TBXAS1: variants seen among roughly 807,000 people sequenced by gnomAD.
TBXAS1 encodes the protein thromboxane-A synthase.
In TBXAS1, 48 loss-of-function variants were observed where a neutral mutation model predicts 60.7. The observed-to-expected ratio is 0.79, with a 90% CI of 0.63 to 1.01. The LOEUF is 1.01. Ranked by LOEUF, TBXAS1 falls within the 50% of genes least tolerant of loss-of-function variation. TBXAS1 has a pLI of 0.00. For missense variants in TBXAS1, 685 were observed against 686.3 expected, an observed-to-expected ratio of 1.00 and a Z score of 0.02; for synonymous variants, 287 against 269.7, an observed-to-expected ratio of 1.06 and a Z score of -0.63.
rs1554466810 is a variant in TBXAS1 at position 139,809,233 on chromosome 7, T to TAGATA, written c.-79-20079_-79-20078insAGATA. Among the ~76,000 whole-genome samples, 567 of 131,036 alleles carry TAGATA rather than the reference T, an allele frequency of 4.3e-3. 3 individuals carry two copies. The highest frequency in any genetic ancestry group is 5.2e-3 in the African/African-American group (176 of 33,872). 86.0% of individuals were successfully genotyped at this position (131,036 alleles called of 152,430 possible). On this transcript the variant is annotated intron_variant, in intron 4 of 16. Coordinates refer to the TBXAS1 transcript ENST00000336425. The stretch of plus-strand genomic sequence containing the variant: ...ATAGATAGATAGATAGATAGATAGA[T>TAGATA]GATAGATAGATAGATAGATAGATAG...
rs764506400 is a variant in TBXAS1 at position 139,916,761 on chromosome 7, G to T, written c.333+5440G>T. On this transcript the variant is annotated intron_variant, in intron 4 of 12. Transcript: ENST00000448866. The surrounding 1 kb of genome is among the most constrained non-coding windows in gnomAD (Gnocchi z 4.2). ...GAAGAAAAGAGTATGTTGGCTCATTGCAGAGCTAATTGGCAAGGAAAGCTC... is the reference window on the plus strand; with the variant it reads ...GAAGAAAAGAGTATGTTGGCTCATTTCAGAGCTAATTGGCAAGGAAAGCTC... 3.9e-5 allele frequency among the ~76,000 whole-genome samples: 6 copies of T among 152,218 alleles called. No homozygotes were observed. The highest frequency in any genetic ancestry group is 8.8e-5 in the Non-Finnish European group (6 of 68,038).
At chr7:139,844,946 G>A (rs1174800394) in intron 1 of TBXAS1, among the ~76,000 whole-genome samples, 1 of 152,010 alleles carries the variant, frequency 6.6e-6, no homozygotes, top group East Asian at 1.9e-4. Flanking sequence ...GAGAGGGCTG[G>A]GACACCTGCC....
chr7:139,803,600 A>G (rs1585528561), intron 4 of TBXAS1, among the ~76,000 whole-genome samples: 1 of 152,186 alleles, frequency 6.6e-6, no homozygotes, highest in Non-Finnish European at 1.5e-5. Flanking sequence ...CCTTTGCAGC[A>G]GCCCCTCCCC....
intron 3 of TBXAS1, among the ~76,000 whole-genome samples, chr7:139,891,581 C>T (rs565091938): frequency 6.6e-6 from 1 of 152,282 alleles, no homozygotes; most frequent in East Asian, 1.9e-4. Context: ...TGCCTTAGGA[C>T]GTTTGCCATA....
upstream of TBXAS1, among the ~76,000 whole-genome samples, chr7:139,826,952 C>T (rs921233996): frequency 1.3e-5 from 2 of 152,180 alleles, no homozygotes; most frequent in Admixed American, 1.3e-4. Flanking sequence ...ACCTGATATA[C>T]CTGTAGCTCA....
At chr7:139,855,025 GTT>G (rs1242109253) in intron 1 of TBXAS1, among the ~76,000 whole-genome samples, 1 of 152,134 alleles carries the variant, frequency 6.6e-6, no homozygotes, top group Admixed American at 6.5e-5. Context: ...CAAAAATCAT[GTT>G]GAAATTTAAT....
In TBXAS1 at chr7:140,020,204, G is replaced by C. The variant is rs1286902495; in HGVS notation, c.*105G>C. The stretch of plus-strand genomic sequence containing the variant: ...AAATGTCACTGAAGTGATTGAAAGA[G>C]TGCCTGGCATGCAAGGATAAGAGGT... On this transcript the variant is annotated 3_prime_UTR_variant, in exon 13 of 13. Coordinates refer to ENST00000448866, the MANE Select transcript of TBXAS1 (RefSeq NM_001061.7). 4 of 1,083,592 alleles carry C rather than the reference G, an allele frequency of 3.7e-6. No homozygotes were observed. Among genetic ancestry groups the C allele is most frequent in the Admixed American group, 3.6e-5 (2 of 55,692 alleles). The allele number at this position is 1,083,592 out of a possible 1,614,324, so 67.1% of individuals were successfully genotyped here. A position where few individuals can be genotyped will look rare whatever the true frequency, so the allele number is the denominator to read the frequency against.
intron 1 of TBXAS1, among the ~76,000 whole-genome samples, chr7:139,844,238 C>A (rs1263796115): frequency 2.0e-5 from 3 of 152,276 alleles, no homozygotes; most frequent in Middle Eastern, 3.4e-3. Flanking sequence ...CAACCCCCAG[C>A]AGAGGCATTG....
intron 10 of TBXAS1, among the ~76,000 whole-genome samples, chr7:140,009,491 G>A (rs753386098): frequency 3.3e-5 from 5 of 152,040 alleles, no homozygotes; most frequent in African/African-American, 1.2e-4. Flanking sequence ...GAGGAGCGCC[G>A]GCACTGGTCG....
In TBXAS1 at chr7:139,859,970, C is replaced by T. The variant is rs150387557; in HGVS notation, c.90-12265C>T. ...CCTGGCCAACATGGTAAAACCCTAC[C>T]TCTACTAAAAATACAAAAATTAGCT... is the stretch of plus-strand genomic sequence containing the variant. On this transcript the variant is annotated intron_variant, in intron 1 of 12. Coordinates refer to ENST00000448866, the MANE Select transcript of TBXAS1 (RefSeq NM_001061.7). Among the ~76,000 whole-genome samples the T allele has an allele frequency of 3.2e-4, 48 of 152,214 alleles. 1 individual carries two copies. In the East Asian group the frequency reaches 8.1e-3, roughly 26 times the overall value.
chr7:139,978,287 A>T (rs1811700819), intron 9 of TBXAS1, among the ~76,000 whole-genome samples: 1 of 151,586 alleles, frequency 6.6e-6, no homozygotes, highest in Non-Finnish European at 1.5e-5. Context: ...GTTCAGGTGG[A>T]TCATTTGGGC....
chr7:139,953,799 C>T (rs958492971), intron 6 of TBXAS1, among the ~76,000 whole-genome samples: 10 of 152,182 alleles, frequency 6.6e-5, no homozygotes, highest in Non-Finnish European at 1.2e-4. Context: ...TGCACCTCAG[C>T]CCAGAAGCTA....
At chr7:139,875,216 T>C (rs1207718693) in intron 2 of TBXAS1, among the ~76,000 whole-genome samples, 1 of 152,266 alleles carries the variant, frequency 6.6e-6, no homozygotes, top group Admixed American at 6.5e-5. Flanking sequence ...GAATTTGTGA[T>C]AATTTTGATA....
intron 5 of TBXAS1, among the ~76,000 whole-genome samples, chr7:139,945,237 T>C (rs1469821854): frequency 3.3e-5 from 5 of 152,270 alleles, no homozygotes; most frequent in Non-Finnish European, 7.3e-5. Context: ...TTCAAGCAAC[T>C]GTCTCAACCT....
intron 4 of TBXAS1, among the ~76,000 whole-genome samples, chr7:139,923,633 A>G (rs1277564358): frequency 6.6e-6 from 1 of 152,046 alleles, no homozygotes; most frequent in Admixed American, 6.6e-5. Context: ...CAATCCAATT[A>G]TAATCATTTA....
chr7:139,961,895 C>A, intron 8 of TBXAS1, 24 bp from the exon 9 acceptor site: 1 of 1,613,954 alleles, frequency 6.2e-7, no homozygotes, highest in South Asian at 1.1e-5. Flanking sequence ...TCAAAATGTG[C>A]ATTTTTCTCC....
intron 3 of TBXAS1, among the ~76,000 whole-genome samples, chr7:139,898,412 G>GTTT (rs1804276616): frequency 8.7e-6 from 1 of 114,378 alleles, no homozygotes; most frequent in African/African-American, 3.9e-5. Context: ...AACGTGCATG[G>GTTT]CTTTTTTTTT....
chr7:139,942,427 A>G (rs10487665), intron 5 of TBXAS1, among the ~76,000 whole-genome samples: 9,130 of 152,256 alleles, frequency 0.06, 376 homozygotes, highest in Non-Finnish European at 0.089. Context: ...CTCTTGAGCA[A>G]TTATCCTTTG....
At chr7:139,933,621 A>G (rs1414990920) in intron 4 of TBXAS1, among the ~76,000 whole-genome samples, 1 of 152,184 alleles carries the variant, frequency 6.6e-6, no homozygotes, top group Non-Finnish European at 1.5e-5. Context: ...GTTCTAATAT[A>G]TAATTAACTC....
Sources: allele counts gnomAD v4.1 joint callset (sites outside exome capture counted in the v4.1 genomes callset), GRCh38; gene constraint gnomAD v4.1.1; non-coding constraint Gnocchi (gnomAD v3.1); transcripts MANE v1.5; gene names NCBI Gene and HGNC (gene_info 2026-07-23, HGNC 2026-07-21).